The following ZNF469 variants were observed in gnomAD, a reference collection of about 807,000 sequenced individuals.
ZNF469 encodes zinc finger protein 469.
A neutral mutation model predicts 1.0 loss-of-function variants in ZNF469; 1 was observed. The observed-to-expected ratio is 1.00, with a 90% CI of 0.35 to 4.73. ZNF469 has a LOEUF of 4.73. ZNF469 is among the 30% of genes most tolerant of loss of function. ZNF469 has a pLI of 0.16. For synonymous variants in ZNF469, 2,703 were observed against 2,363.4 expected, an observed-to-expected ratio of 1.14 and a Z score of -4.17; for missense variants, 6,100 against 5,356.3, an observed-to-expected ratio of 1.14 and a Z score of -4.33.
chr16:88,245,678 A>G, the ZNF469 span, among the ~76,000 whole-genome samples: 1 of 152,248 alleles, frequency 6.6e-6, no homozygotes, highest in African/African-American at 2.4e-5. Flanking sequence ...CCCCTTGCCT[A>G]CAGAGCTCAT....
At chr16:88,302,303 A>G in the ZNF469 span, 1 of 152,238 alleles carries the variant, frequency 6.6e-6, no homozygotes, top group Admixed American at 6.5e-5. Flanking sequence ...TATTAATGAT[A>G]AAAATGCTTC....
At chr16:88,131,590 A>G in the ZNF469 span, among the ~76,000 whole-genome samples, 7 of 152,294 alleles carry the variant, frequency 4.6e-5, no homozygotes, top group African/African-American at 1.7e-4. Context: ...ATGTTTCCCC[A>G]TTTCTGAAAA....
the ZNF469 span, among the ~76,000 whole-genome samples, chr16:88,349,278 A>G: frequency 6.6e-6 from 1 of 152,138 alleles, no homozygotes; most frequent in Non-Finnish European, 1.5e-5. Context: ...CTACACGCAC[A>G]GGTGACCTTC....
At chr16:88,315,682 G>T in the ZNF469 span, among the ~76,000 whole-genome samples, 1 of 152,170 alleles carries the variant, frequency 6.6e-6, no homozygotes, top group African/African-American at 2.4e-5. Context: ...TGCAGAAGGT[G>T]GGGGAGGGAG....
chr16:88,194,932 TTC>T, the ZNF469 span: 1 of 152,262 alleles, frequency 6.6e-6, no homozygotes, highest in African/African-American at 2.4e-5. Context: ...GGAACGGTAT[TTC>T]TCTCTTTCTT....
chr16:88,117,788 G>A, the ZNF469 span, among the ~76,000 whole-genome samples: 1 of 152,232 alleles, frequency 6.6e-6, no homozygotes. Flanking sequence ...AAGTGACCTG[G>A]GAGGTGGACC....
chr16:88,359,811 A>G, the ZNF469 span, among the ~76,000 whole-genome samples: 1 of 152,214 alleles, frequency 6.6e-6, no homozygotes. Context: ...TTCTACAGTG[A>G]TGATCCATAT....
the ZNF469 span, among the ~76,000 whole-genome samples, chr16:88,214,396 C>G: frequency 6.6e-6 from 1 of 151,682 alleles, no homozygotes; most frequent in African/African-American, 2.4e-5. Flanking sequence ...CAGGGTGACT[C>G]TGGGCATTTG....
chr16:88,402,028 A>G (rs908414295), intron 1 of ZNF469, among the ~76,000 whole-genome samples: 7 of 144,352 alleles, frequency 4.8e-5, no homozygotes, highest in Non-Finnish European at 6.0e-5. Flanking sequence ...ATGTGGGTGG[A>G]TGGGTAGATG....
the ZNF469 span, among the ~76,000 whole-genome samples, chr16:88,311,874 T>G: frequency 0.084 from 12,734 of 152,304 alleles, 940 homozygotes; most frequent in African/African-American, 0.18. Flanking sequence ...AAATGATTGA[T>G]TGTGGAACAC....
chr16:88,329,202 T>C, the ZNF469 span, among the ~76,000 whole-genome samples: 1 of 152,162 alleles, frequency 6.6e-6, no homozygotes, highest in Non-Finnish European at 1.5e-5. Context: ...CGGCCGCTGC[T>C]GTCCGTGACT....
At chr16:88,386,018 C>T (rs2092536022) in intron 1 of ZNF469, among the ~76,000 whole-genome samples, 1 of 152,170 alleles carries the variant, frequency 6.6e-6, no homozygotes, top group Non-Finnish European at 1.5e-5. Context: ...CAGCTAAAAG[C>T]CCAGATGGAG....
chr16:88,322,739 G>A, the ZNF469 span, among the ~76,000 whole-genome samples: 1 of 152,214 alleles, frequency 6.6e-6, no homozygotes, highest in African/African-American at 2.4e-5. Flanking sequence ...CATGAAGGTT[G>A]CCGAATAACC....
At chr16:88,152,177 G>A in the ZNF469 span, among the ~76,000 whole-genome samples, 9 of 152,192 alleles carry the variant, frequency 5.9e-5, no homozygotes, top group Admixed American at 2.0e-4. The surrounding 1 kb of genome is among the most constrained non-coding windows in gnomAD (Gnocchi z 4.2). Flanking sequence ...GAACTGTAGC[G>A]AAAGGAAGAT....
intron 1 of ZNF469, among the ~76,000 whole-genome samples, chr16:88,422,940 T>C (rs1905539157): frequency 1.4e-5 from 2 of 143,352 alleles, no homozygotes; most frequent in African/African-American, 5.3e-5. Flanking sequence ...GATGGGTGGA[T>C]GGATGATGAT....
chr16:88,208,577 A>G, the ZNF469 span, among the ~76,000 whole-genome samples: 22 of 24,356 alleles, frequency 9.0e-4, no homozygotes, highest in African/African-American at 1.9e-3. Context: ...GAGAGAGGGA[A>G]GGAGAGAGGG....
chr16:88,104,645 T>C, the ZNF469 span, among the ~76,000 whole-genome samples: 2 of 152,244 alleles, frequency 1.3e-5, no homozygotes, highest in African/African-American at 4.8e-5. Flanking sequence ...CCATGCAGCC[T>C]GCACCACCCC....
the ZNF469 span, among the ~76,000 whole-genome samples, chr16:88,335,455 C>G: frequency 6.6e-6 from 1 of 152,224 alleles, no homozygotes; most frequent in Non-Finnish European, 1.5e-5. Flanking sequence ...CATGGCGAGA[C>G]AGCTGGAACG....
the ZNF469 span, among the ~76,000 whole-genome samples, chr16:88,159,227 T>TGCTGG: frequency 2.5e-3 from 330 of 132,334 alleles, no homozygotes; most frequent in African/African-American, 3.1e-3. Flanking sequence ...CTCACCGTCC[T>TGCTGG]GCAGCGTCTG....
Sources: gnomAD v4.1 joint callset for allele counts (sites outside exome capture counted in the v4.1 genomes callset) on GRCh38, gnomAD v4.1.1 for gene constraint, Gnocchi (gnomAD v3.1) non-coding constraint, MANE v1.5 for transcripts, NCBI Gene and HGNC (gene_info 2026-07-23, HGNC 2026-07-21) for gene names.